Variants in ADAMTS2 observed in about 807,000 individuals in gnomAD.
The protein encoded by ADAMTS2 is ADAM metallopeptidase with thrombospondin type 1 motif 2.
In ADAMTS2, 50 loss-of-function variants were observed where a neutral mutation model predicts 123.0. That is an observed-to-expected ratio of 0.41 (90% CI 0.32 to 0.51). The LOEUF (loss-of-function observed/expected upper bound fraction) is 0.51, where lower values mean the gene tolerates loss of function less well. ADAMTS2 is among the 20% of genes least tolerant of loss of function. The pLI is 0.35. For missense variants in ADAMTS2, 1,494 were observed against 1,705.2 expected, an observed-to-expected ratio of 0.88 and a Z score of 2.18; for synonymous variants, 678 against 695.4, an observed-to-expected ratio of 0.98 and a Z score of 0.39.
At chr5:179,251,585 C>T (rs1389934280) in intron 3 of ADAMTS2, among the ~76,000 whole-genome samples, 1 of 152,100 alleles carries the variant, frequency 6.6e-6, no homozygotes, top group African/African-American at 2.4e-5. Context: ...CCCGGCCCTC[C>T]AGGAGGGACA....
At chr5:179,339,204 C>T (rs879437033) in intron 2 of ADAMTS2, among the ~76,000 whole-genome samples, 3 of 152,336 alleles carry the variant, frequency 2.0e-5, no homozygotes, top group South Asian at 4.1e-4. Context: ...GGGCTAGGCC[C>T]GCATCACAGC....
chr5:179,273,680 T>G (rs1201969829), intron 2 of ADAMTS2, among the ~76,000 whole-genome samples: 1 of 152,044 alleles, frequency 6.6e-6, no homozygotes, highest in African/African-American at 2.4e-5. Flanking sequence ...CCCCTGCAAC[T>G]GGCTCCAGTC....
intron 19 of ADAMTS2, chr5:179,122,974 C>T: frequency 1.4e-6 from 1 of 708,218 alleles, no homozygotes; most frequent in Non-Finnish European, 2.4e-6. Context: ...AGAAGGGACC[C>T]ACATGCCTGT....
At chr5:179,231,316 T>G (rs1478020237) in intron 3 of ADAMTS2, among the ~76,000 whole-genome samples, 1 of 152,234 alleles carries the variant, frequency 6.6e-6, no homozygotes, top group African/African-American at 2.4e-5. Context: ...AGAGGTCTGC[T>G]GTACAACGTT....
intron 3 of ADAMTS2, among the ~76,000 whole-genome samples, chr5:179,269,119 G>T (rs1301818451): frequency 6.6e-6 from 1 of 152,190 alleles, no homozygotes; most frequent in Non-Finnish European, 1.5e-5. Context: ...ATGACCCGGG[G>T]GCAGAGATTG....
intron 8 of ADAMTS2, 108 bp downstream of exon 8, chr5:179,153,941 G>C: frequency 6.9e-7 from 1 of 1,442,868 alleles, no homozygotes; most frequent in Non-Finnish European, 9.4e-7. Flanking sequence ...CAAGCTTAGA[G>C]GACCTGAGGT....
At chr5:179,235,967 T>A (rs1392184580) in intron 3 of ADAMTS2, among the ~76,000 whole-genome samples, 1 of 152,220 alleles carries the variant, frequency 6.6e-6, no homozygotes, top group Non-Finnish European at 1.5e-5. Flanking sequence ...TGGTCCCAGG[T>A]GCCCTCCTGG....
At position 179,170,335 on chromosome 5, in the gene ADAMTS2, C is replaced by G. The variant is rs1253620515; in HGVS notation, c.975+10737G>C. Reference sequence around the variant, plus strand: ...GGGATGAATAACAGGAACCGAGTATCTGGGCCACTTTCTGCCCAAGTCTGG... The same window carrying G: ...GGGATGAATAACAGGAACCGAGTATGTGGGCCACTTTCTGCCCAAGTCTGG... On this transcript the variant is annotated intron_variant, in intron 5 of 21. Transcript: ENST00000251582. This position sits in a 1 kb window ranked among gnomAD's most constrained non-coding sequence, Gnocchi z 4.3. Among the ~76,000 whole-genome samples, 1 of 152,132 alleles carries G rather than the reference C, an allele frequency of 6.6e-6. No individual in the cohort carries two copies. Among genetic ancestry groups the G allele is most frequent in the Non-Finnish European group, 1.5e-5 (1 of 68,034 alleles).
At chr5:179,217,508 A>T (rs193166656) in intron 3 of ADAMTS2, among the ~76,000 whole-genome samples, 106 of 152,310 alleles carry the variant, frequency 7.0e-4, no homozygotes, top group African/African-American at 2.4e-3. Context: ...TCAAATTTTG[A>T]CCTCATGCCT....
At chr5:179,207,475 TCCCCGCCCCA>T in intron 4 of ADAMTS2, 28 bp downstream of exon 4, 6 of 588,614 alleles carry the variant, frequency 1.0e-5, no homozygotes, top group East Asian at 3.8e-5. Flanking sequence ...TGGTTGACCC[TCCCCGCCCCA>T]CCCTGCCCCC....
At chr5:179,121,897 C>A in intron 20 of ADAMTS2, 147 bp from the exon 21 acceptor site, 1 of 523,166 alleles carries the variant, frequency 1.9e-6, no homozygotes, top group African/African-American at 2.0e-5. Context: ...CCTCCGCTGC[C>A]AAGTCCACGC....
rs1038433827 is a variant in ADAMTS2, at chr5:179,312,994, G to A, written c.534+30773C>T. Reference sequence around the variant, plus strand: ...GAATTATGGTAGAAGAATGGGGCTGGGAGGGGCAGCAGTGTTGTCAGTGAG... The same window carrying A: ...GAATTATGGTAGAAGAATGGGGCTGAGAGGGGCAGCAGTGTTGTCAGTGAG... On this transcript the variant is annotated intron_variant, in intron 2 of 21. Transcript: ENST00000251582. This position sits in a 1 kb window ranked among gnomAD's most constrained non-coding sequence, Gnocchi z 4.2. Among the ~76,000 whole-genome samples the A allele has an allele frequency of 1.3e-5, 2 of 152,242 alleles. No homozygotes were observed. Among genetic ancestry groups the A allele is most frequent in the African/African-American group, 4.8e-5 (2 of 41,458 alleles).
chr5:179,167,636 C>T (rs1489130362), intron 5 of ADAMTS2, among the ~76,000 whole-genome samples: 2 of 152,294 alleles, frequency 1.3e-5, no homozygotes, highest in East Asian at 3.9e-4. Flanking sequence ...CAGCCAGCCC[C>T]GCAGGCCGCC....
chr5:179,338,016 G>C (rs1757668626), intron 2 of ADAMTS2, among the ~76,000 whole-genome samples: 1 of 152,242 alleles, frequency 6.6e-6, no homozygotes, highest in African/African-American at 2.4e-5. Context: ...AGACATGGGG[G>C]ACAGGGAAGC....
chr5:179,229,873 C>A (rs557867415), intron 3 of ADAMTS2, among the ~76,000 whole-genome samples: 3 of 152,176 alleles, frequency 2.0e-5, no homozygotes, highest in African/African-American at 7.2e-5. Context: ...TTCTCCAGGG[C>A]GCATGCCCCT....
rs998205237 is a variant in ADAMTS2, at chr5:179,153,977, G to A, written c.1382+72C>T. The A allele has an allele frequency of 5.5e-5, 84 of 1,539,058 alleles. No homozygotes were observed. The African/African-American group carries it at 1.0e-3, about 19-fold the overall frequency. Reference sequence around the variant, plus strand: ...CGGAGGGCTCTGGCTCTGGTGCATGGGGACTTGCACCCTCCCAGAGCTGAC... The same window carrying A: ...CGGAGGGCTCTGGCTCTGGTGCATGAGGACTTGCACCCTCCCAGAGCTGAC... On this transcript the variant is annotated intron_variant, in intron 8 of 21. Coordinates refer to ENST00000251582, the MANE Select transcript of ADAMTS2 (RefSeq NM_014244.5).
rs770212030 is a variant in ADAMTS2, at chr5:179,345,227, GGGCGGC to G, written c.96_101del (p.Pro33_Pro34del). 2 of 1,119,454 alleles carry G rather than the reference GGGCGGC, an allele frequency of 1.8e-6. No homozygotes were observed. Among genetic ancestry groups the G allele is most frequent in the East Asian group, 5.1e-5 (1 of 19,606 alleles). The allele number at this position is 1,119,454 out of a possible 1,614,324, so 69.3% of individuals were successfully genotyped here. ...CGGCGGCGGCGAGCCTGGCGTTCGCGGGCGGCGGCGGCGGCGGCAGGAGCGGCGGCG... is the reference window on the plus strand; with the variant it reads ...CGGCGGCGGCGAGCCTGGCGTTCGCGGGCGGCGGCGGCAGGAGCGGCGGCG... On this transcript the variant is annotated inframe_deletion, in exon 1 of 22. Coordinates refer to ENST00000251582, the MANE Select transcript of ADAMTS2 (RefSeq NM_014244.5). This position sits in a 1 kb window ranked among gnomAD's most constrained non-coding sequence, Gnocchi z 7.5.
chr5:179,170,048 T>C lies in ADAMTS2; in HGVS notation c.975+11024A>G, dbSNP rs986892290. ...GCCAGTTGCTATGCAACCTCAAGTG[T>C]TGCCGATGCTCTGCTCCCTGGCTGG... On this transcript the variant is annotated intron_variant, in intron 5 of 21. Transcript: ENST00000251582. The surrounding 1 kb of genome is among the most constrained non-coding windows in gnomAD (Gnocchi z 4.3). 1.3e-5 allele frequency among the ~76,000 whole-genome samples: 2 copies of C among 152,246 alleles called. No homozygotes were observed. The highest frequency in any genetic ancestry group is 2.9e-5 in the Non-Finnish European group (2 of 68,048).
chr5:179,230,893 T>C lies in ADAMTS2; in HGVS notation c.689-23178A>G, dbSNP rs577715847. Among the ~76,000 whole-genome samples, 11 of 151,960 alleles carry C rather than the reference T, an allele frequency of 7.2e-5. No homozygotes were observed. In the East Asian group the frequency reaches 2.1e-3, roughly 30 times the overall value. ...GGGCATGGTGGTGGGCGCCTGTAAT[T>C]GCAGCTACTCAGGAGGCTGAGGCAG... On this transcript the variant is annotated intron_variant, in intron 3 of 21. Transcript: ENST00000251582.
Sources: gnomAD v4.1 joint callset for allele counts (sites outside exome capture counted in the v4.1 genomes callset) on GRCh38, gnomAD v4.1.1 for gene constraint, Gnocchi (gnomAD v3.1) non-coding constraint, MANE v1.5 for transcripts, NCBI Gene and HGNC (gene_info 2026-07-23, HGNC 2026-07-21) for gene names.